The following PSMF1 variants were observed in gnomAD, a reference collection of about 807,000 sequenced individuals.
PSMF1 encodes proteasome inhibitor PI31 subunit.
Under a neutral mutation model 29.3 loss-of-function variants are expected in PSMF1, and 30 were observed. That is an observed-to-expected ratio of 1.02 (90% CI 0.77 to 1.39). PSMF1 has a LOEUF of 1.39. Ranked by LOEUF, PSMF1 falls within the 40% of genes most tolerant of loss-of-function variation. The pLI is 0.00. For missense variants in PSMF1, 344 were observed against 357.5 expected (o/e 0.96, Z 0.31); for synonymous variants, 134 against 139.7 (o/e 0.96, Z 0.29).
intron 1 of PSMF1, among the ~76,000 whole-genome samples, chr20:1,124,744 A>G (rs951442684): frequency 1.3e-5 from 2 of 152,264 alleles, no homozygotes; most frequent in African/African-American, 4.8e-5. Context: ...ACATGGATAC[A>G]TTTCCAAAAA....
chr20:1,125,964 A>C (rs773293310), intron 2 of PSMF1: 1 of 497,574 alleles, frequency 2.0e-6, no homozygotes, highest in South Asian at 1.5e-5. Context: ...CAGTTCCTTA[A>C]ATAAATTGAA....
Position 1,127,443 on chromosome 20 carries a change from A to G in PSMF1, c.300A>G (p.Gln100=). The change falls in exon 3 of 7, where the codon CAA becomes CAG. Residue 100 remains glutamine (Q), a synonymous_variant. Transcript: ENST00000335877. ...CCATCTAGGAATATGGCTCACAGCA[A>G]GTGGCAGACTTGACCCTGAACTTGG... ...ILNVLEYGSQ[Q]VADLTLNLDD... is the part of the protein sequence containing the mutation. The G allele has an allele frequency of 6.2e-7, 1 of 1,605,922 alleles. No individual in the cohort carries two copies. The highest frequency in any genetic ancestry group is 8.5e-7 in the Non-Finnish European group (1 of 1,172,446).
At chr20:1,136,855 T>C (rs1432335896) in intron 4 of PSMF1, among the ~76,000 whole-genome samples, 1 of 152,258 alleles carries the variant, frequency 6.6e-6, no homozygotes, top group African/African-American at 2.4e-5. Context: ...AGTGATTGAA[T>C]ATTGTTTCTT....
intron 4 of PSMF1, among the ~76,000 whole-genome samples, chr20:1,138,518 CAAAA>C (rs34220986): frequency 2.0e-5 from 2 of 97,788 alleles, no homozygotes; most frequent in South Asian, 3.5e-4. Context: ...GACTGCATCT[CAAAA>C]AAAAAAAAAA....
At chr20:1,131,226 TTATAC>T (rs1356935914) in intron 3 of PSMF1, among the ~76,000 whole-genome samples, 1 of 152,240 alleles carries the variant, frequency 6.6e-6, no homozygotes, top group Non-Finnish European at 1.5e-5. Context: ...AACCTAGGAA[TTATAC>T]TGGCCATTCA....
In PSMF1 at chr20:1,167,338, T is replaced by TTTTTTTTTTTTTTTTTTTTTTGAGACGG. The variant is rs2086742891; in HGVS notation, c.*2258_*2259insTTTTTTTTTTTTTTTTTTTTTGAGACGG. Reference sequence around the variant, plus strand: ...ACTAAGTGACCTGTTCCTCCTTTTTTAAATAGCAGCTTTATTGAGATATAA... The same window carrying TTTTTTTTTTTTTTTTTTTTTTGAGACGG: ...ACTAAGTGACCTGTTCCTCCTTTTTTTTTTTTTTTTTTTTTTTTTTTGAGACGGAAATAGCAGCTTTATTGAGATATAA... On this transcript the variant is annotated 3_prime_UTR_variant, in exon 7 of 7. Coordinates refer to ENST00000335877, the MANE Select transcript of PSMF1 (RefSeq NM_006814.5). 6.6e-6 allele frequency: 1 copy of TTTTTTTTTTTTTTTTTTTTTTGAGACGG among 152,160 alleles called. No individual in the cohort carries two copies. Among genetic ancestry groups the TTTTTTTTTTTTTTTTTTTTTTGAGACGG allele is most frequent in the African/African-American group, 2.4e-5 (1 of 41,398 alleles). 9.4% of individuals were successfully genotyped at this position (152,160 alleles called of 1,614,324 possible).
chr20:1,129,912 AAGC>A (rs1158056925), intron 3 of PSMF1, among the ~76,000 whole-genome samples: 2 of 152,236 alleles, frequency 1.3e-5, no homozygotes, highest in Non-Finnish European at 2.9e-5. Context: ...CAAAAGGTGA[AAGC>A]AGCTTGGCTG....
Position 1,120,071 on chromosome 20 carries a change from C to T in PSMF1, c.129+1169C>T, listed in dbSNP as rs74690744. ...GAGCACTTAGACAAGTATCCCCTTTCCCCCACCCCTCACTGCTGTCCCTAT... is the reference window on the plus strand; with the variant it reads ...GAGCACTTAGACAAGTATCCCCTTTTCCCCACCCCTCACTGCTGTCCCTAT... On this transcript the variant is annotated intron_variant, in intron 1 of 6. Transcript: ENST00000335877. 6.8e-3 allele frequency among the ~76,000 whole-genome samples: 1,040 copies of T among 152,170 alleles called. 6 individuals carry two copies. The highest frequency in any genetic ancestry group is 0.012 in the Non-Finnish European group (841 of 67,996).
chr20:1,130,419 T>C (rs1017962730), intron 3 of PSMF1, among the ~76,000 whole-genome samples: 14 of 152,186 alleles, frequency 9.2e-5, no homozygotes, highest in Non-Finnish European at 1.8e-4. Flanking sequence ...CATTCACCCC[T>C]TCAATCTCAC....
intron 4 of PSMF1, among the ~76,000 whole-genome samples, chr20:1,158,262 A>G (rs1020724825): frequency 2.0e-5 from 3 of 152,208 alleles, no homozygotes; most frequent in African/African-American, 7.2e-5. Flanking sequence ...ACACAAAGCA[A>G]ACTCTCAGTA....
At chr20:1,159,260 C>T (rs1364062069) in intron 4 of PSMF1, among the ~76,000 whole-genome samples, 1 of 151,946 alleles carries the variant, frequency 6.6e-6, no homozygotes, top group Non-Finnish European at 1.5e-5. Context: ...AGGGTAGTCT[C>T]GAACTCCTGG....
At chr20:1,132,197 C>T (rs1205662439) in intron 3 of PSMF1, among the ~76,000 whole-genome samples, 1 of 151,960 alleles carries the variant, frequency 6.6e-6, no homozygotes, top group Admixed American at 6.6e-5. Flanking sequence ...ATTCCTCCCA[C>T]TTTTTCTTCG....
At chr20:1,154,562 C>T (rs1487455803) in intron 4 of PSMF1, among the ~76,000 whole-genome samples, 3 of 152,208 alleles carry the variant, frequency 2.0e-5, no homozygotes, top group Non-Finnish European at 4.4e-5. Context: ...AACTCAGACA[C>T]CAAAACTTCA....
intron 4 of PSMF1, among the ~76,000 whole-genome samples, chr20:1,135,660 A>T (rs1421604635): frequency 1.3e-5 from 2 of 152,174 alleles, no homozygotes; most frequent in Non-Finnish European, 2.9e-5. Flanking sequence ...TTTTGTCTAG[A>T]CAGGGCCCTG....
At chr20:1,134,638 G>A (rs2086278201) in intron 3 of PSMF1, among the ~76,000 whole-genome samples, 1 of 152,232 alleles carries the variant, frequency 6.6e-6, no homozygotes, top group African/African-American at 2.4e-5. Context: ...ACAGGTGGTA[G>A]GGGCAGCCTT....
chr20:1,126,877 TCAAAA>T (rs758363462), intron 2 of PSMF1, among the ~76,000 whole-genome samples: 4 of 152,040 alleles, frequency 2.6e-5, no homozygotes, highest in Non-Finnish European at 4.4e-5. Flanking sequence ...AGCCTCTGTC[TCAAAA>T]CAAAACAAAA....
chr20:1,147,873 G>A (rs780265952), intron 4 of PSMF1, among the ~76,000 whole-genome samples: 2 of 152,136 alleles, frequency 1.3e-5, no homozygotes, highest in Non-Finnish European at 2.9e-5. Context: ...GGAGGCCACA[G>A]CAGGAAGGAG....
At chr20:1,160,853 A>G (rs774487724) in intron 4 of PSMF1, 4 of 463,880 alleles carry the variant, frequency 8.6e-6, no homozygotes, top group Non-Finnish European at 1.8e-5. Context: ...ACCACACCCT[A>G]CAACAAGCTG....
In PSMF1 at chr20:1,162,286, A is replaced by G. The variant is rs189729222; in HGVS notation, c.552-844A>G. The stretch of plus-strand genomic sequence containing the variant: ...TTCATTTATGTAAGGTTTTTTTGGT[A>G]TGCAATTCTTGAGTCTTTAAGAGAT... On this transcript the variant is annotated intron_variant, in intron 4 of 6. Transcript: ENST00000335877. 2.8e-3 allele frequency among the ~76,000 whole-genome samples: 433 copies of G among 152,202 alleles called. 2 individuals carry two copies. The highest frequency in any genetic ancestry group is 0.02 in the South Asian group (96 of 4,830).
Sources: allele counts gnomAD v4.1 joint callset (sites outside exome capture counted in the v4.1 genomes callset), GRCh38; gene constraint gnomAD v4.1.1; transcripts MANE v1.5; gene names NCBI Gene and HGNC (gene_info 2026-07-23, HGNC 2026-07-21).